Variants in DNAH17 observed in about 807,000 individuals in gnomAD.
The protein encoded by DNAH17 is dynein axonemal heavy chain 17.
A neutral mutation model predicts 485.6 loss-of-function variants in DNAH17; 376 were observed. The observed-to-expected ratio is 0.77, with a 90% confidence interval of 0.71 to 0.84. The LOEUF (loss-of-function observed/expected upper bound fraction) is 0.84, where lower values mean the gene tolerates loss of function less well. Ranked by LOEUF, DNAH17 falls within the 40% of genes least tolerant of loss-of-function variation. DNAH17 has a pLI of 0.00. For missense variants in DNAH17, 6,370 were observed against 5,839.3 expected (o/e 1.09, Z -2.96); for synonymous variants, 3,031 against 2,405.9 (o/e 1.26, Z -7.60).
At chr17:78,563,336 G>T (rs140689638) in intron 11 of DNAH17, among the ~76,000 whole-genome samples, 3 of 152,054 alleles carry the variant, frequency 2.0e-5, no homozygotes, top group Middle Eastern at 3.2e-3. Context: ...CTTCCTCCAC[G>T]GTCGCCTGCT....
Position 78,537,361 on chromosome 17 carries a change from T to C in DNAH17, c.2797A>G (p.Asn933Asp), listed in dbSNP as rs773557949. ...AGCCTGGCTACGTTGTAGATGTCGT[T>C]GACCAGGCCCTCGATCAGTGCCAGG... ...GFLALIEGLV[N>D]DIYNVARLIP... The change falls in exon 19 of 81, where the codon AAC (asparagine) becomes GAC (aspartate). Residue 933 changes from asparagine to aspartate, a missense_variant. Physicochemically the swap from Asn to Asp is conservative, Grantham distance 23. Transcript: ENST00000389840. 2 of 1,610,044 alleles carry C rather than the reference T, an allele frequency of 1.2e-6. No individual in the cohort carries two copies. Among genetic ancestry groups the C allele is most frequent in the Non-Finnish European group, 1.7e-6 (2 of 1,178,466 alleles).
At chr17:78,462,641 T>C (rs939964467) in intron 57 of DNAH17, among the ~76,000 whole-genome samples, 1 of 152,154 alleles carries the variant, frequency 6.6e-6, no homozygotes, top group African/African-American at 2.4e-5. Flanking sequence ...TGTGAAAGCA[T>C]TTTGAGTCTG....
At chr17:78,570,856 CAAAAAAAAAAA>C (rs60897530) in intron 6 of DNAH17, 81 bp downstream of exon 6, 43 of 292,152 alleles carry the variant, frequency 1.5e-4, no homozygotes, top group Admixed American at 5.9e-4. Context: ...GACTCCCTCT[CAAAAAAAAAAA>C]AAAAAAAAAA....
In DNAH17 at chr17:78,495,993, C is replaced by CT. The variant is rs2090057795; in HGVS notation, c.5784dup (p.Ala1929SerfsTer33). The CT allele has an allele frequency of 6.2e-7, 1 of 1,613,814 alleles. No homozygotes were observed. Among genetic ancestry groups the CT allele is most frequent in the Non-Finnish European group, 8.5e-7 (1 of 1,179,800 alleles). On this transcript the variant is annotated frameshift_variant, in exon 38 of 81. Coordinates refer to ENST00000389840, the MANE Select transcript of DNAH17 (RefSeq NM_173628.4). LOFTEE classifies it high-confidence loss of function. ...ATGATCTCTCCCAGGAAATTGAATGCTTTTTTCTTGGCCCGAATTGCATCC... is the reference window on the plus strand; with the variant it reads ...ATGATCTCTCCCAGGAAATTGAATGCTTTTTTTCTTGGCCCGAATTGCATCC...
Position 78,530,440 on chromosome 17 carries a change from G to A in DNAH17, c.3187C>T (p.Gln1063Ter). 6.2e-7 allele frequency: 1 copy of A among 1,613,612 alleles called. No homozygotes were observed. Among genetic ancestry groups the A allele is most frequent in the Non-Finnish European group, 8.5e-7 (1 of 1,179,758 alleles). ...TGCTTGAAGGGGCGGCAGTCGCACTGCAGCCAGCCGTGGAACACCTTGGTG... is the reference window on the plus strand; with the variant it reads ...TGCTTGAAGGGGCGGCAGTCGCACTACAGCCAGCCGTGGAACACCTTGGTG... The part of the protein sequence containing the change: ...ENTKVFHGWL[Q>*]CDCRPFKQAL... The change falls in exon 21 of 81, where the codon CAG becomes TAG. Residue 1063 changes from glutamine (Q) to a stop codon, truncating the protein, a stop_gained. Transcript: ENST00000389840. LOFTEE classifies it high-confidence loss of function.
rs780828305 is a variant in DNAH17 at position 78,492,662 on chromosome 17, A to G, written c.6512T>C (p.Ile2171Thr). Reference sequence around the variant, plus strand: ...TTTCCATTCCCTGGTCACTGGGTTGATGATGCCAAAGAGCTCGTCGCAGGT... The same window carrying G: ...TTTCCATTCCCTGGTCACTGGGTTGGTGATGCCAAAGAGCTCGTCGCAGGT... ...AVTCDELFGI[I>T]NPVTREWKDG... Residue 2171 changes from isoleucine (I) to threonine (T), a missense_variant, in exon 42 of 81, where the codon ATC (isoleucine) becomes ACC (threonine). Ile to Thr is a moderately conservative substitution (Grantham distance 89). Coordinates refer to ENST00000389840, the MANE Select transcript of DNAH17 (RefSeq NM_173628.4). 1.2e-6 allele frequency: 2 copies of G among 1,613,682 alleles called. No individual in the cohort carries two copies. Among genetic ancestry groups the G allele is most frequent in the South Asian group, 2.2e-5 (2 of 91,050 alleles).
chr17:78,559,600 G>C (rs1052998684), intron 13 of DNAH17, among the ~76,000 whole-genome samples: 1 of 152,178 alleles, frequency 6.6e-6, no homozygotes, highest in Non-Finnish European at 1.5e-5. Flanking sequence ...TGATTTTCCT[G>C]CTCTTTCCTC....
chr17:78,446,173 C>A (rs865818122), intron 69 of DNAH17, among the ~76,000 whole-genome samples: 73 of 57,390 alleles, frequency 1.3e-3, no homozygotes, highest in African/African-American at 2.5e-3. Flanking sequence ...GACTCTGTCT[C>A]AAAAAAAAAA....
intron 58 of DNAH17, among the ~76,000 whole-genome samples, chr17:78,461,184 A>G (rs1464487791): frequency 1.3e-5 from 2 of 151,980 alleles, no homozygotes; most frequent in East Asian, 3.9e-4. Flanking sequence ...AACCCCTCCC[A>G]TGCTCACGGA....
At position 78,501,251 on chromosome 17, in the gene DNAH17, G is replaced by A. The variant is rs769217148; in HGVS notation, c.5416C>T (p.Gln1806Ter). The A allele has an allele frequency of 4.4e-6, 7 of 1,608,792 alleles. No homozygotes were observed. Among genetic ancestry groups the A allele is most frequent in the African/African-American group, 2.7e-5 (2 of 74,858 alleles). Residue 1806 changes from glutamine (Q) to a stop codon, truncating the protein, a stop_gained, in exon 35 of 81, where the codon CAA (glutamine) becomes TAA (stop). Coordinates refer to ENST00000389840, the MANE Select transcript of DNAH17 (RefSeq NM_173628.4). LOFTEE classifies it high-confidence loss of function. ...RHCFANICDA[Q>*]IQYSYEYLGN... ...AGATACTCATAGGAATACTGGATTT[G>A]GGCATCGCAGATGTTGGCAAAGCAG...
intron 44 of DNAH17, among the ~76,000 whole-genome samples, chr17:78,488,524 T>G (rs1404904147): frequency 6.6e-6 from 1 of 152,186 alleles, no homozygotes; most frequent in Non-Finnish European, 1.5e-5. Context: ...TCCACGATCC[T>G]GTCTTTTTCC....
At chr17:78,564,867 G>T (rs907391808) in intron 11 of DNAH17, among the ~76,000 whole-genome samples, 1 of 152,106 alleles carries the variant, frequency 6.6e-6, no homozygotes, top group African/African-American at 2.4e-5. Flanking sequence ...CCAGCCTGGG[G>T]GCATTTGAGT....
chr17:78,451,794 G>A, intron 65 of DNAH17, 121 bp from the exon 66 acceptor site: 3 of 806,540 alleles, frequency 3.7e-6, no homozygotes, highest in Non-Finnish European at 5.9e-6. Context: ...CCTCCCTTCT[G>A]GTCCCTGGAA....
Position 78,433,936 on chromosome 17 carries a change from G to A in DNAH17, c.12225+93C>T, listed in dbSNP as rs866684876. On this transcript the variant is annotated intron_variant, in intron 75 of 80. Transcript: ENST00000389840. ...GAAAGGGAGGGAAGGAAGGAGGGAGGGAAGGAGGGAGGGAAGGAGGGAGGG... is the reference window on the plus strand; with the variant it reads ...GAAAGGGAGGGAAGGAAGGAGGGAGAGAAGGAGGGAGGGAAGGAGGGAGGG... 143 of 911,002 alleles carry A rather than the reference G, an allele frequency of 1.6e-4. 1 individual carries two copies. The African/African-American group carries it at 3.2e-3, about 20-fold the overall frequency. 56.4% of individuals were successfully genotyped at this position (911,002 alleles called of 1,614,324 possible). A position where few individuals can be genotyped will look rare whatever the true frequency, so the allele number is the denominator to read the frequency against.
intron 14 of DNAH17, among the ~76,000 whole-genome samples, chr17:78,557,655 A>G (rs1444193326): frequency 6.6e-6 from 1 of 150,910 alleles, no homozygotes; most frequent in Non-Finnish European, 1.5e-5. Flanking sequence ...AAAAAAAAAA[A>G]AAAAAAAAGT....
rs116436885 is a variant in DNAH17, at chr17:78,569,525, T to C, written c.1047A>G (p.Thr349=). 9.0e-4 allele frequency: 1,449 copies of C among 1,603,614 alleles called. 11 individuals carry two copies. In the African/African-American group the frequency reaches 0.018, roughly 20 times the overall value. Residue 349 remains threonine (T), a splice_region_variant and synonymous_variant, in exon 8 of 81, where the codon ACA becomes ACG. Transcript: ENST00000389840. Reference sequence around the variant, plus strand: ...CCTCTTCCGGGCTCAGGAAGGTTCGTGTCTGGGCAAAAGAGAAGACAGACA... The same window carrying C: ...CCTCTTCCGGGCTCAGGAAGGTTCGCGTCTGGGCAAAAGAGAAGACAGACA... ...QEFCNQIIEM[T]RTFLSPEEVL... is the part of the protein sequence containing the mutation.
At chr17:78,558,278 G>T (rs1329835139) in intron 13 of DNAH17, 24 bp from the exon 14 acceptor site, 4 of 1,611,136 alleles carry the variant, frequency 2.5e-6, no homozygotes, top group Non-Finnish European at 3.4e-6. Context: ...GAAGATCAAA[G>T]AACATGTCAG....
intron 48 of DNAH17, among the ~76,000 whole-genome samples, chr17:78,481,066 A>T (rs1304894530): frequency 8.3e-6 from 1 of 120,402 alleles, no homozygotes; most frequent in African/African-American, 3.2e-5. Context: ...AAGTGCTGAG[A>T]TTACAAGTGT....
chr17:78,508,655 G>C (rs1314124020), intron 27 of DNAH17, among the ~76,000 whole-genome samples: 2 of 152,152 alleles, frequency 1.3e-5, no homozygotes, highest in Non-Finnish European at 2.9e-5. Flanking sequence ...GATCTATAGA[G>C]GGGGAAAGTG....
Sources: allele counts gnomAD v4.1 joint callset (sites outside exome capture counted in the v4.1 genomes callset), GRCh38; gene constraint gnomAD v4.1.1; transcripts MANE v1.5; gene names NCBI Gene and HGNC (gene_info 2026-07-23, HGNC 2026-07-21).